Variants in CFAP92 observed in about 807,000 individuals in gnomAD.
CFAP92 encodes the protein cilia and flagella associated protein 92 (putative), also known as uncharacterized protein CFAP92.
In CFAP92, 86 loss-of-function variants were observed where a neutral mutation model predicts 106.3. The ratio of observed to expected loss-of-function variants is 0.81; its 90% CI spans 0.68 to 0.97. The LOEUF is 0.97. CFAP92 is among the 50% of genes least tolerant of loss of function. The pLI is 0.00. For synonymous variants in CFAP92, 477 were observed against 506.4 expected (o/e 0.94, Z 0.78); for missense variants, 1,204 against 1,283.8 (o/e 0.94, Z 0.95).
At chr3:128,989,146 C>T (rs1459099347) in intron 2 of CFAP92, among the ~76,000 whole-genome samples, 2 of 151,988 alleles carry the variant, frequency 1.3e-5, no homozygotes, top group Admixed American at 1.3e-4. Context: ...GTGAGTGTCT[C>T]AGTTGGAGAG....
chr3:128,937,350 C>A (rs183173473), intron 10 of CFAP92, among the ~76,000 whole-genome samples: 1 of 149,536 alleles, frequency 6.7e-6, no homozygotes, highest in African/African-American at 2.5e-5. Flanking sequence ...TAGTGGTTTA[C>A]GCCTGTAATC....
chr3:129,019,023 C>A, the CFAP92 span, among the ~76,000 whole-genome samples: 30 of 152,330 alleles, frequency 2.0e-4, no homozygotes, highest in Admixed American at 7.2e-4. Flanking sequence ...TGTCCTCCCC[C>A]ACACCACCGT....
the CFAP92 span, among the ~76,000 whole-genome samples, chr3:129,008,783 G>A: frequency 3.3e-5 from 5 of 152,140 alleles, no homozygotes; most frequent in African/African-American, 4.8e-5. Flanking sequence ...GAAGACTCAG[G>A]TACTCCCTGG....
the CFAP92 span, among the ~76,000 whole-genome samples, chr3:129,018,819 C>G: frequency 1.9e-4 from 29 of 152,324 alleles, no homozygotes; most frequent in Non-Finnish European, 3.8e-4. Context: ...TGTTTGCACC[C>G]CATTGGCGGC....
chr3:128,914,973 C>T lies in CFAP92; in HGVS notation c.3280+146G>A, dbSNP rs570216307. On this transcript the variant is annotated intron_variant, in intron 15 of 15. Coordinates refer to ENST00000645291, the MANE Select transcript of CFAP92 (RefSeq NM_001394090.1). The stretch of plus-strand genomic sequence containing the variant: ...CCAGCATTCAATCTCTTTTTTCAGA[C>T]CCATTCTGCATCTTGCTTTTCTTAG... The T allele has an allele frequency of 4.2e-5, 31 of 745,636 alleles. No homozygotes were observed. In the African/African-American group the frequency reaches 5.1e-4, roughly 12 times the overall value. 46.2% of individuals were successfully genotyped at this position (745,636 alleles called of 1,614,324 possible).
chr3:128,939,583 C>T (rs1157782594), intron 10 of CFAP92, among the ~76,000 whole-genome samples: 1 of 152,030 alleles, frequency 6.6e-6, no homozygotes. Context: ...AAAAAGAAAC[C>T]CCACACCCCT....
intron 9 of CFAP92, among the ~76,000 whole-genome samples, chr3:128,964,952 G>A (rs1287757902): frequency 6.6e-6 from 1 of 152,154 alleles, no homozygotes; most frequent in Admixed American, 6.6e-5. Context: ...AATATAAGAA[G>A]GCAGGAATGT....
chr3:128,922,218 C>G (rs1176117451), intron 12 of CFAP92, among the ~76,000 whole-genome samples: 1 of 151,996 alleles, frequency 6.6e-6, no homozygotes, highest in African/African-American at 2.4e-5. Flanking sequence ...TGGCGGGCAC[C>G]TGTAGTCCCA....
rs1022800380 is a variant in CFAP92 at position 128,931,442 on chromosome 3, T to C, written c.2751+1258A>G. ...CGGCCTCCCAAAGTGGTATGAGATA[T>C]ATATATGTGTGTATATATATATACA... On this transcript the variant is annotated intron_variant, in intron 12 of 15. Coordinates refer to ENST00000645291, the MANE Select transcript of CFAP92 (RefSeq NM_001394090.1). Among the ~76,000 whole-genome samples the C allele has an allele frequency of 7.6e-5, 11 of 144,510 alleles. No individual in the cohort carries two copies. The East Asian group carries it at 1.8e-3, about 23-fold the overall frequency. The allele number at this position is 144,510 out of a possible 152,430, so 94.8% of individuals were successfully genotyped here.
In CFAP92 at chr3:128,910,646, A is replaced by G. The variant is rs186722660; in HGVS notation, c.3281-313T>C. ...TGTGCCAGGCCTTGTGACCCCTGCC[A>G]TGCTACCCAGTTTGGCTGATAGGCT... On this transcript the variant is annotated intron_variant, in intron 15 of 15. Coordinates refer to ENST00000645291, the MANE Select transcript of CFAP92 (RefSeq NM_001394090.1). 9 of 1,359,974 alleles carry G rather than the reference A, an allele frequency of 6.6e-6. No homozygotes were observed. The Admixed American group carries it at 6.8e-5, about 10-fold the overall frequency. 84.2% of individuals were successfully genotyped at this position (1,359,974 alleles called of 1,614,324 possible).
the CFAP92 span, among the ~76,000 whole-genome samples, chr3:129,025,498 C>G: frequency 6.6e-6 from 1 of 152,166 alleles, no homozygotes; most frequent in Non-Finnish European, 1.5e-5. Flanking sequence ...TGACGGGGAC[C>G]AAGACATGAT....
Position 128,956,194 on chromosome 3 carries a change from AAT to A in CFAP92, c.1353+9315_1353+9316del, listed in dbSNP as rs1203813147. Among the ~76,000 whole-genome samples the A allele has an allele frequency of 7.7e-3, 763 of 99,518 alleles. 12 individuals carry two copies. The highest frequency in any genetic ancestry group is 0.037 in the African/African-American group (465 of 12,602). The allele number at this position is 99,518 out of a possible 152,430, so 65.3% of individuals were successfully genotyped here. The stretch of plus-strand genomic sequence containing the variant: ...AATAAAAAAATAAATTAAAAAAAAA[AAT>A]AAAAAAAAAATAAAAAAATAAAAAA... On this transcript the variant is annotated intron_variant, in intron 9 of 15. Coordinates refer to ENST00000645291, the MANE Select transcript of CFAP92 (RefSeq NM_001394090.1).
intron 7 of CFAP92, among the ~76,000 whole-genome samples, chr3:128,974,799 C>A (rs1276411546): frequency 6.8e-6 from 1 of 146,236 alleles, no homozygotes; most frequent in African/African-American, 2.5e-5. Context: ...CCAGCCTGGG[C>A]AATAGAGTGA....
intron 7 of CFAP92, among the ~76,000 whole-genome samples, chr3:128,974,600 C>A (rs1235175626): frequency 6.6e-6 from 1 of 150,940 alleles, no homozygotes; most frequent in Non-Finnish European, 1.5e-5. Context: ...GCAGGCAGAT[C>A]ATTTGAGATC....
chr3:128,940,046 A>G (rs1939475865), intron 10 of CFAP92, among the ~76,000 whole-genome samples: 1 of 152,154 alleles, frequency 6.6e-6, no homozygotes, highest in African/African-American at 2.4e-5. Flanking sequence ...CATAAATTGA[A>G]TCACGTCATA....
intron 7 of CFAP92, among the ~76,000 whole-genome samples, chr3:128,975,413 AGATGGATGGATAGG>A (rs1453873705): frequency 4.7e-5 from 7 of 150,510 alleles, no homozygotes; most frequent in Non-Finnish European, 1.0e-4. Context: ...GGATGGATGG[AGATGGATGGATAGG>A]GATGGATGGA....
rs1423344166 is a variant in CFAP92, at chr3:128,994,057, G to A, written c.-110C>T. On this transcript the variant is annotated 5_prime_UTR_variant, in exon 1 of 16. Transcript: ENST00000645291. ...CCCGTACCGGATCCACAGCCACCTG[G>A]GCGAAGAGACTCCAAGACTGAGAGG... is the stretch of plus-strand genomic sequence containing the variant. 1.0e-6 allele frequency: 1 copy of A among 986,464 alleles called. No individual in the cohort carries two copies. Among genetic ancestry groups the A allele is most frequent in the Non-Finnish European group, 1.2e-6 (1 of 830,544 alleles). 61.1% of individuals were successfully genotyped at this position (986,464 alleles called of 1,614,324 possible). A position where few individuals can be genotyped will look rare whatever the true frequency, so the allele number is the denominator to read the frequency against.
At chr3:128,973,616 A>G (rs1942959228) in intron 7 of CFAP92, among the ~76,000 whole-genome samples, 1 of 151,284 alleles carries the variant, frequency 6.6e-6, no homozygotes, top group South Asian at 2.1e-4. Flanking sequence ...AGATCGCGCC[A>G]TTGTACTCCA....
At chr3:128,984,218 C>G (rs778887882) in intron 4 of CFAP92, among the ~76,000 whole-genome samples, 12 of 152,184 alleles carry the variant, frequency 7.9e-5, no homozygotes, top group African/African-American at 1.4e-4. Context: ...ATGGTTAATA[C>G]TAAGTGTCAA....
Sources: gnomAD v4.1 joint callset for allele counts (sites outside exome capture counted in the v4.1 genomes callset) on GRCh38, gnomAD v4.1.1 for gene constraint, MANE v1.5 for transcripts, NCBI Gene and HGNC (gene_info 2026-07-23, HGNC 2026-07-21) for gene names.